UROS: variants seen among roughly 807,000 people sequenced by gnomAD.
The protein encoded by UROS is uroporphyrinogen-III synthase.
UROS carries 18 observed loss-of-function variants against 33.0 expected under a neutral mutation model. That is an observed-to-expected ratio of 0.55 (90% confidence interval 0.38 to 0.81). UROS has a LOEUF of 0.81. Ranked by LOEUF, UROS falls within the 30% of genes least tolerant of loss-of-function variation. The probability of loss-of-function intolerance (pLI) is 0.00; values close to 1 mark genes in which losing one functional copy is unlikely to be tolerated. For missense variants in UROS, 293 were observed against 314.9 expected (o/e 0.93, Z 0.53); for synonymous variants, 114 against 121.1 (o/e 0.94, Z 0.38).
Position 125,798,102 on chromosome 10 carries a change from G to C in UROS, c.438C>G (p.Leu146=). ...GCGCTTTTGGCAGGATTTCTCTTTT[G>C]AGGTTTCCACAGGGAAATAGAAGAG... The part of the protein sequence containing the change: ...ALPLLFPCGN[L]KREILPKALK... Residue 146 remains leucine (L), a synonymous_variant, in exon 7 of 10, where the codon CTC becomes CTG. Coordinates refer to ENST00000368797, the MANE Select transcript of UROS (RefSeq NM_000375.3). 9.3e-6 allele frequency: 15 copies of C among 1,614,064 alleles called. No homozygotes were observed. The highest frequency in any genetic ancestry group is 1.3e-5 in the African/African-American group (1 of 75,046).
chr10:125,816,116 G>T, intron 3 of UROS, 61 bp downstream of exon 3: 1 of 1,477,190 alleles, frequency 6.8e-7, no homozygotes, highest in Non-Finnish European at 9.5e-7. Flanking sequence ...TCCCTCTCTG[G>T]CTTCAGCTGG....
intron 6 of UROS, among the ~76,000 whole-genome samples, chr10:125,804,871 C>A (rs1852180227): frequency 6.6e-6 from 1 of 152,240 alleles, no homozygotes; most frequent in South Asian, 2.1e-4. Flanking sequence ...ACCCCACCTC[C>A]AGCCCCAGCT....
At chr10:125,814,683 T>G (rs150354578) in intron 4 of UROS, among the ~76,000 whole-genome samples, 29 of 152,348 alleles carry the variant, frequency 1.9e-4, no homozygotes, top group Non-Finnish European at 3.1e-4. Context: ...ACTGGGTCAC[T>G]AAGTGCCTGA....
chr10:125,807,328 G>T, intron 6 of UROS, 85 bp downstream of exon 6: 1 of 1,187,972 alleles, frequency 8.4e-7, no homozygotes, highest in South Asian at 1.2e-5. Context: ...AGAATGCACT[G>T]AGGAAATATT....
intron 6 of UROS, among the ~76,000 whole-genome samples, chr10:125,801,754 G>A (rs1851854163): frequency 6.6e-6 from 1 of 152,216 alleles, no homozygotes; most frequent in Non-Finnish European, 1.5e-5. Context: ...GTCAGAATAT[G>A]TTAATATCTA....
Position 125,803,213 on chromosome 10 carries a change from C to G in UROS, c.394+4200G>C, listed in dbSNP as rs1162458362. 3.3e-5 allele frequency among the ~76,000 whole-genome samples: 5 copies of G among 152,164 alleles called. No homozygotes were observed. The East Asian group carries it at 7.7e-4, about 23-fold the overall frequency. ...AGCTCAGTTTCTTCATGAGCAAAAG[C>G]AGGTCTAGTAATCGTTCCCATGTCA... On this transcript the variant is annotated intron_variant, in intron 6 of 9. Coordinates refer to ENST00000368797, the MANE Select transcript of UROS (RefSeq NM_000375.3).
chr10:125,812,086 G>A (rs1220604429), intron 5 of UROS, 128 bp downstream of exon 5: 40 of 784,028 alleles, frequency 5.1e-5, no homozygotes, highest in East Asian at 4.8e-4. Context: ...CAGTAGTATC[G>A]TATACTTAAT....
intron 5 of UROS, among the ~76,000 whole-genome samples, chr10:125,808,452 C>T (rs577273259): frequency 6.6e-6 from 1 of 152,328 alleles, no homozygotes; most frequent in East Asian, 1.9e-4. Context: ...GCAACCGAGG[C>T]TGGACCTCCT....
At chr10:125,822,663 G>A (rs1251856881) in intron 1 of UROS, among the ~76,000 whole-genome samples, 1 of 152,108 alleles carries the variant, frequency 6.6e-6, no homozygotes, top group Non-Finnish European at 1.5e-5. Flanking sequence ...TTGCCATGTT[G>A]GCCAGGCTGG....
Position 125,788,929 on chromosome 10 carries a change from G to A in UROS, c.737C>T (p.Pro246Leu). The A allele has an allele frequency of 6.2e-7, 1 of 1,609,750 alleles. No homozygotes were observed. Among genetic ancestry groups the A allele is most frequent in the Non-Finnish European group, 8.5e-7 (1 of 1,179,190 alleles). Reference sequence around the variant, plus strand: ...GCCAGTGGCCAGGGCTTGTGGCGTGGGGCTCTCTGCAGTGCAGCTTACAGG... The same window carrying A: ...GCCAGTGGCCAGGGCTTGTGGCGTGAGGCTCTCTGCAGTGCAGCTTACAGG... ...GLPVSCTAES[P>L]TPQALATGIR... is the part of the protein sequence containing the mutation. The change falls in exon 10 of 10, where the codon CCC becomes CTC. Residue 246 changes from proline (P) to leucine (L), a missense_variant. Pro to Leu is a moderately conservative substitution (Grantham distance 98, BLOSUM62 -3). Coordinates refer to ENST00000368797, the MANE Select transcript of UROS (RefSeq NM_000375.3).
chr10:125,802,590 C>G, intron 6 of UROS: 3 of 1,024,166 alleles, frequency 2.9e-6, no homozygotes, highest in Non-Finnish European at 3.5e-6. Flanking sequence ...CAGAGAAGCA[C>G]AGGGCCAACC....
At chr10:125,789,729 C>G (rs542352872) in intron 9 of UROS, among the ~76,000 whole-genome samples, 1 of 152,348 alleles carries the variant, frequency 6.6e-6, no homozygotes, top group Admixed American at 6.5e-5. Context: ...TGAACAAGCA[C>G]CACAGGCTCG....
rs571660206 is a variant in UROS, at chr10:125,801,823, T to C, written c.395-3678A>G. On this transcript the variant is annotated intron_variant, in intron 6 of 9. Transcript: ENST00000368797. The stretch of plus-strand genomic sequence containing the variant: ...CCAATGTGATCACTCAGAAGTGACA[T>C]TGATCTCTTCTGTCTTGTGTTTGCA... 6.6e-5 allele frequency among the ~76,000 whole-genome samples: 10 copies of C among 152,322 alleles called. No individual in the cohort carries two copies. In the East Asian group the frequency reaches 1.2e-3, roughly 18 times the overall value.
At chr10:125,803,000 C>T (rs754649490) in intron 6 of UROS, 1 of 1,612,778 alleles carries the variant, frequency 6.2e-7, no homozygotes, top group Non-Finnish European at 8.5e-7. Flanking sequence ...TTCTTCACTT[C>T]AAAAGATTCC....
chr10:125,812,090 A>G, intron 5 of UROS, 124 bp downstream of exon 5: 1 of 822,938 alleles, frequency 1.2e-6, no homozygotes, highest in South Asian at 1.5e-5. Context: ...AGTATCGTAT[A>G]CTTAATTAAT....
At chr10:125,795,208 T>C in intron 8 of UROS, 1 of 568,124 alleles carries the variant, frequency 1.8e-6, no homozygotes. Context: ...GCCCCAGGTC[T>C]GTGTCTGCCT....
chr10:125,807,211 G>A (rs972582649), intron 6 of UROS: 13 of 603,166 alleles, frequency 2.2e-5, no homozygotes, highest in African/African-American at 1.5e-4. Flanking sequence ...GGTACAGGGG[G>A]TAGAAGGAAG....
rs148139228 is a variant in UROS at position 125,819,580 on chromosome 10, C to T, written c.-26-3055G>A. On this transcript the variant is annotated intron_variant, in intron 1 of 9. Transcript: ENST00000368797. Reference sequence around the variant, plus strand: ...TTCCTCTTGGCCATACGTGACTCTGCTCTCTGCCAGTTGATTTCTTAGCTC... The same window carrying T: ...TTCCTCTTGGCCATACGTGACTCTGTTCTCTGCCAGTTGATTTCTTAGCTC... 3.5e-4 allele frequency among the ~76,000 whole-genome samples: 53 copies of T among 152,210 alleles called. No individual in the cohort carries two copies. The East Asian group carries it at 0.01, about 29-fold the overall frequency.
intron 1 of UROS, among the ~76,000 whole-genome samples, chr10:125,821,429 T>G (rs1005284232): frequency 1.3e-5 from 2 of 152,188 alleles, no homozygotes; most frequent in East Asian, 3.8e-4. Flanking sequence ...GTTTCTAGAA[T>G]AGTCAAATTA....
Sources: allele counts gnomAD v4.1 joint callset (sites outside exome capture counted in the v4.1 genomes callset), GRCh38; gene constraint gnomAD v4.1.1; transcripts MANE v1.5; gene names NCBI Gene and HGNC (gene_info 2026-07-23, HGNC 2026-07-21).